NRXN1: variants seen among roughly 807,000 people sequenced by gnomAD.
The protein encoded by NRXN1 is neurexin-1.
A neutral mutation model predicts 150.9 loss-of-function variants in NRXN1; 39 were observed. The ratio of observed to expected loss-of-function variants is 0.26; its 90% confidence interval spans 0.20 to 0.34. The LOEUF (loss-of-function observed/expected upper bound fraction) is 0.34, where lower values mean the gene tolerates loss of function less well. NRXN1 is among the 10% of genes least tolerant of loss of function. NRXN1 has a pLI of 1.00. For missense variants in NRXN1, 1,815 were observed against 1,949.9 expected (o/e 0.93, Z 1.30); for synonymous variants, 924 against 757.0 (o/e 1.22, Z -3.62).
At chr2:50,426,329 C>G (rs2084487394) in intron 17 of NRXN1, among the ~76,000 whole-genome samples, 1 of 152,156 alleles carries the variant, frequency 6.6e-6, no homozygotes. Context: ...CAAAATCAGT[C>G]TAGATGACTT....
At chr2:50,564,651 A>C (rs1669594837) in intron 8 of NRXN1, among the ~76,000 whole-genome samples, 1 of 152,186 alleles carries the variant, frequency 6.6e-6, no homozygotes. Flanking sequence ...GGTGGACTAA[A>C]TATATGGCCT....
At chr2:50,383,116 A>C (rs2081085086) in intron 17 of NRXN1, among the ~76,000 whole-genome samples, 1 of 152,184 alleles carries the variant, frequency 6.6e-6, no homozygotes, top group African/African-American at 2.4e-5. Flanking sequence ...GTTGTGCAGA[A>C]TGAATTAATG....
intron 5 of NRXN1, among the ~76,000 whole-genome samples, chr2:50,826,141 G>A (rs1054060321): frequency 6.6e-6 from 1 of 152,164 alleles, no homozygotes; most frequent in Admixed American, 6.5e-5. Flanking sequence ...GAGAGGGACT[G>A]GGGGAAGGGA....
intron 2 of NRXN1, among the ~76,000 whole-genome samples, chr2:51,012,932 G>A (rs1450795754): frequency 6.6e-6 from 1 of 151,746 alleles, no homozygotes; most frequent in Non-Finnish European, 1.5e-5. Flanking sequence ...CCTCCTCCAG[G>A]AACAATTCAT....
At chr2:50,177,774 ACTCTCTCTCTCTCTCTCTCTCTCT>A (rs72085403) in intron 18 of NRXN1, among the ~76,000 whole-genome samples, 3 of 131,186 alleles carry the variant, frequency 2.3e-5, no homozygotes, top group Non-Finnish European at 3.2e-5. Flanking sequence ...TAACTAACTA[ACTCTCTCTCTCTCTCTCTCTCTCT>A]CTCTCTCTCT....
At chr2:50,654,497 C>A (rs907086790) in intron 5 of NRXN1, among the ~76,000 whole-genome samples, 2 of 151,948 alleles carry the variant, frequency 1.3e-5, no homozygotes, top group Non-Finnish European at 2.9e-5. Context: ...CATATGTGTG[C>A]ATGTGTCTTT....
At position 50,497,599 on chromosome 2, in the gene NRXN1, G is replaced by T. The variant is rs2091710134; in HGVS notation, c.2613C>A (p.Ser871Arg). The T allele has an allele frequency of 6.2e-7, 1 of 1,613,874 alleles. No individual in the cohort carries two copies. Among genetic ancestry groups the T allele is most frequent in the Admixed American group, 1.7e-5 (1 of 59,992 alleles). Residue 871 changes from serine to arginine, a missense_variant, in exon 14 of 23, where the codon AGC becomes AGA. By Grantham distance (110) the Ser-to-Arg change is moderately radical. Transcript: ENST00000401669. ...TGTATGCCATTCCATTAAATGTCAAGCTCTGCAGGTGTCCAATGAAGTTGG... is the reference window on the plus strand; with the variant it reads ...TGTATGCCATTCCATTAAATGTCAATCTCTGCAGGTGTCCAATGAAGTTGG... ...VPSNFIGHLQSLTFNGMAYID... is the reference protein window; with the variant it reads ...VPSNFIGHLQRLTFNGMAYID...
chr2:50,971,034 T>C (rs996486515), intron 2 of NRXN1, among the ~76,000 whole-genome samples: 6 of 152,170 alleles, frequency 3.9e-5, no homozygotes, highest in African/African-American at 1.2e-4. Flanking sequence ...ATTGTTGCCC[T>C]AATCAAGATT....
chr2:49,928,139 AC>A (rs1393040345), intron 22 of NRXN1, among the ~76,000 whole-genome samples: 4 of 152,028 alleles, frequency 2.6e-5, no homozygotes, highest in South Asian at 2.1e-4. Flanking sequence ...AAAAAAAAAA[AC>A]ATAGGCTATA....
intron 5 of NRXN1, among the ~76,000 whole-genome samples, chr2:50,753,424 G>C (rs566733186): frequency 2.0e-5 from 3 of 151,774 alleles, no homozygotes; most frequent in African/African-American, 7.2e-5. Context: ...CTCCATTACG[G>C]CCAACACAGA....
chr2:50,060,661 T>C (rs1187434907), intron 19 of NRXN1, among the ~76,000 whole-genome samples: 3 of 152,152 alleles, frequency 2.0e-5, no homozygotes, highest in Non-Finnish European at 4.4e-5. Flanking sequence ...TGGGAGGTAA[T>C]TGAATCATGG....
chr2:50,029,797 T>C (rs1248978432), intron 21 of NRXN1, among the ~76,000 whole-genome samples: 2 of 152,174 alleles, frequency 1.3e-5, no homozygotes, highest in African/African-American at 2.4e-5. Flanking sequence ...GTTTCACCAC[T>C]TGTCAACTAT....
chr2:50,231,710 G>A (rs776510300), intron 18 of NRXN1, among the ~76,000 whole-genome samples: 1 of 152,042 alleles, frequency 6.6e-6, no homozygotes, highest in Non-Finnish European at 1.5e-5. Flanking sequence ...CAATGCACAT[G>A]TTAATATTTG....
At chr2:50,145,655 A>C (rs1707907513) in intron 18 of NRXN1, among the ~76,000 whole-genome samples, 2 of 151,668 alleles carry the variant, frequency 1.3e-5, no homozygotes, top group African/African-American at 2.4e-5. Flanking sequence ...TCACCATTGC[A>C]ACCAAATGGC....
intron 19 of NRXN1, among the ~76,000 whole-genome samples, chr2:50,075,243 T>G (rs1696908993): frequency 6.6e-6 from 1 of 152,232 alleles, no homozygotes; most frequent in Non-Finnish European, 1.5e-5. Flanking sequence ...TAGTCTACTT[T>G]GACGAGTCAC....
chr2:50,777,828 G>C (rs918514966), intron 5 of NRXN1, among the ~76,000 whole-genome samples: 2 of 152,140 alleles, frequency 1.3e-5, no homozygotes, highest in African/African-American at 2.4e-5. Context: ...AATCCATTCT[G>C]AGTCTAGCTT....
rs901741628 is a variant in NRXN1 at position 50,549,518 on chromosome 2, C to G, written c.1759+3069G>C. Reference sequence around the variant, plus strand: ...ACAGCACCAAGCATAGTAATCTGATCTTTCCACTGGATTCAAAGAAAAATC... The same window carrying G: ...ACAGCACCAAGCATAGTAATCTGATGTTTCCACTGGATTCAAAGAAAAATC... On this transcript the variant is annotated intron_variant, in intron 9 of 22. Coordinates refer to ENST00000401669, the MANE Select transcript of NRXN1 (RefSeq NM_001330078.2). Among the ~76,000 whole-genome samples, 3 of 152,260 alleles carry G rather than the reference C, an allele frequency of 2.0e-5. No individual in the cohort carries two copies. In the East Asian group the frequency reaches 5.8e-4, roughly 29 times the overall value.
chr2:50,523,883 G>A (rs952794431), intron 12 of NRXN1, among the ~76,000 whole-genome samples: 3 of 152,100 alleles, frequency 2.0e-5, no homozygotes, highest in African/African-American at 7.2e-5. Flanking sequence ...ATGTAATTGT[G>A]TTGTCTCTGC....
intron 17 of NRXN1, among the ~76,000 whole-genome samples, chr2:50,333,209 T>C (rs2076944845): frequency 6.6e-6 from 1 of 152,194 alleles, no homozygotes; most frequent in South Asian, 2.1e-4. Flanking sequence ...ATAGCAGCCC[T>C]GGAGCCTTCA....
Sources: allele counts gnomAD v4.1 joint callset (sites outside exome capture counted in the v4.1 genomes callset), GRCh38; gene constraint gnomAD v4.1.1; transcripts MANE v1.5; gene names NCBI Gene and HGNC (gene_info 2026-07-23, HGNC 2026-07-21).